Variants in SLC43A1 observed in about 807,000 individuals in gnomAD.
SLC43A1 encodes large neutral amino acids transporter small subunit 3.
A neutral mutation model predicts 59.5 loss-of-function variants in SLC43A1; 31 were observed. The ratio of observed to expected loss-of-function variants is 0.52; its 90% CI spans 0.39 to 0.70. The LOEUF is 0.70. Ranked by LOEUF, SLC43A1 falls within the 30% of genes least tolerant of loss-of-function variation. The pLI, the probability that SLC43A1 is intolerant of heterozygous loss-of-function variation, is 0.00. For missense variants in SLC43A1, 598 were observed against 717.8 expected (o/e 0.83, Z 1.91); for synonymous variants, 259 against 290.9 (o/e 0.89, Z 1.12).
chr11:57,489,506 A>C (rs1248835627), intron 11 of SLC43A1, 114 bp from the exon 12 acceptor site: 5 of 1,288,500 alleles, frequency 3.9e-6, no homozygotes, highest in Non-Finnish European at 5.4e-6. Flanking sequence ...AGCAGAAAAC[A>C]CAGAAATCCA....
At chr11:57,500,724 T>C (rs1944237701) in intron 5 of SLC43A1, 55 bp downstream of exon 5, 1 of 1,527,402 alleles carries the variant, frequency 6.5e-7, no homozygotes, top group Non-Finnish European at 9.1e-7. Context: ...CCACTCACTC[T>C]GCCCTCACCC....
At chr11:57,486,001 C>T (rs1943717384) in intron 14 of SLC43A1, among the ~76,000 whole-genome samples, 1 of 152,166 alleles carries the variant, frequency 6.6e-6, no homozygotes, top group Non-Finnish European at 1.5e-5. Context: ...CTAACAGCAG[C>T]AGGGCTGCCT....
intron 2 of SLC43A1, among the ~76,000 whole-genome samples, chr11:57,503,340 C>G (rs1944316511): frequency 5.2e-5 from 7 of 133,484 alleles, no homozygotes; most frequent in Admixed American, 5.2e-4. Flanking sequence ...CACTCTGTCT[C>G]CCAGGCTGGA....
At chr11:57,492,926 G>A (rs1486623014) in intron 8 of SLC43A1, among the ~76,000 whole-genome samples, 1 of 151,800 alleles carries the variant, frequency 6.6e-6, no homozygotes, top group Admixed American at 6.6e-5. Flanking sequence ...TGTAGTCCCA[G>A]CTATTTGGGA....
At chr11:57,487,327 C>T in intron 13 of SLC43A1, 109 bp from the exon 14 acceptor site, 2 of 1,380,536 alleles carry the variant, frequency 1.4e-6, no homozygotes, top group South Asian at 1.4e-5. Context: ...CAGGGTGGTG[C>T]TTAAGCGTTC....
At chr11:57,498,074 TTTTG>T (rs1406173725) in intron 5 of SLC43A1, among the ~76,000 whole-genome samples, 35 of 152,220 alleles carry the variant, frequency 2.3e-4, no homozygotes, top group African/African-American at 6.5e-4. Flanking sequence ...ATTTTGTTAA[TTTTG>T]TTTAATTCCA....
At chr11:57,509,112 CAA>C (rs34394294) in intron 2 of SLC43A1, among the ~76,000 whole-genome samples, 3 of 133,652 alleles carry the variant, frequency 2.2e-5, no homozygotes, top group Non-Finnish European at 3.2e-5. Flanking sequence ...ACTCTGTCTC[CAA>C]AAAAAAAAAG....
At chr11:57,486,964 G>A (rs1385728737) in intron 14 of SLC43A1, 131 bp downstream of exon 14, 4 of 920,766 alleles carry the variant, frequency 4.3e-6, no homozygotes, top group African/African-American at 1.7e-5. Context: ...AGACAACTTG[G>A]AAACCTGCAG....
At chr11:57,500,934 C>A in intron 4 of SLC43A1, 54 bp downstream of exon 4, 1 of 1,598,878 alleles carries the variant, frequency 6.3e-7, no homozygotes, top group South Asian at 1.1e-5. Flanking sequence ...TAAACATCCG[C>A]CTTCATCCCA....
In SLC43A1 at chr11:57,494,123, A is replaced by T. The variant is rs1378052274; in HGVS notation, c.741T>A (p.Gly247=). The T allele has an allele frequency of 1.2e-6, 2 of 1,610,662 alleles. No homozygotes were observed. The highest frequency in any genetic ancestry group is 2.7e-5 in the African/African-American group (2 of 74,760). Residue 247 remains glycine, a synonymous_variant, in exon 8 of 15, where the codon GGT becomes GGA. Coordinates refer to ENST00000278426, the MANE Select transcript of SLC43A1 (RefSeq NM_003627.6). The stretch of plus-strand genomic sequence containing the variant: ...TGGTCACATGGGTGTAGAAGAGGTC[A>T]CCTGTCACCTTGTGGTCCAGGGCCA... ...SGLALDHKVT[G]DLFYTHVTTM...
chr11:57,490,091 CTCTT>C (rs552546266), intron 11 of SLC43A1, among the ~76,000 whole-genome samples: 29 of 152,330 alleles, frequency 1.9e-4, no homozygotes, highest in Non-Finnish European at 3.2e-4. Context: ...CTCTCCCAGT[CTCTT>C]TCTCCCATCC....
chr11:57,503,181 G>A (rs1412058020), intron 2 of SLC43A1, among the ~76,000 whole-genome samples: 1 of 152,136 alleles, frequency 6.6e-6, no homozygotes, highest in Non-Finnish European at 1.5e-5. Flanking sequence ...CCAAGGAGGT[G>A]GGGAAAGTGC....
At chr11:57,506,004 C>A (rs1944385294) in intron 2 of SLC43A1, among the ~76,000 whole-genome samples, 1 of 152,194 alleles carries the variant, frequency 6.6e-6, no homozygotes, top group Non-Finnish European at 1.5e-5. Flanking sequence ...CCTTTCCTAA[C>A]CCCATGATGC....
At chr11:57,486,761 A>C (rs1205145953) in intron 14 of SLC43A1, among the ~76,000 whole-genome samples, 1 of 151,980 alleles carries the variant, frequency 6.6e-6, no homozygotes, top group Non-Finnish European at 1.5e-5. Flanking sequence ...GTGAGCCGAG[A>C]TCGCACCACT....
Position 57,497,774 on chromosome 11 carries a change from G to A in SLC43A1, c.537C>T (p.Ala179=). The change falls in exon 6 of 15, where the codon GCC becomes GCT. Residue 179 remains alanine, a synonymous_variant. Transcript: ENST00000278426. The part of the protein sequence containing the change: ...ALMIGSYASS[A]ITFPGIKLIY... ...ATACCTTGATTCCTGGGAACGTAAT[G>A]GCAGAAGAGGCGTAAGAGCCAATCA... 6.2e-7 allele frequency: 1 copy of A among 1,613,604 alleles called. No homozygotes were observed. The highest frequency in any genetic ancestry group is 8.5e-7 in the Non-Finnish European group (1 of 1,179,726).
At chr11:57,494,593 A>G in intron 7 of SLC43A1, 1 of 186,260 alleles carries the variant, frequency 5.4e-6, no homozygotes, top group Non-Finnish European at 1.1e-5. Context: ...TATAGGGGCT[A>G]AGTACAGTGC....
intron 13 of SLC43A1, 80 bp from the exon 14 acceptor site, chr11:57,487,298 A>G (rs1379910983): frequency 2.0e-6 from 3 of 1,534,736 alleles, no homozygotes; most frequent in Admixed American, 1.8e-5. Flanking sequence ...CCTCCCCACC[A>G]TGGTCCCCGC....
chr11:57,509,583 G>A (rs1191419403), intron 2 of SLC43A1, among the ~76,000 whole-genome samples: 1 of 140,478 alleles, frequency 7.1e-6, no homozygotes, highest in Non-Finnish European at 1.5e-5. Context: ...GCAAGATTCC[G>A]TCAGAAGGAC....
intron 5 of SLC43A1, among the ~76,000 whole-genome samples, chr11:57,499,156 C>T (rs1192162133): frequency 6.6e-6 from 1 of 152,118 alleles, no homozygotes; most frequent in African/African-American, 2.4e-5. Context: ...AACCCCGTCT[C>T]CACTAAAATA....
Sources: gnomAD v4.1 joint callset for allele counts (sites outside exome capture counted in the v4.1 genomes callset) on GRCh38, gnomAD v4.1.1 for gene constraint, MANE v1.5 for transcripts, NCBI Gene and HGNC (gene_info 2026-07-23, HGNC 2026-07-21) for gene names.